TRPC5: variants seen among roughly 807,000 people sequenced by gnomAD.
TRPC5 encodes transient receptor potential cation channel subfamily C member 5.
Under a neutral mutation model 56.5 loss-of-function variants are expected in TRPC5, and 9 were observed. The observed-to-expected ratio is 0.16, with a 90% confidence interval of 0.10 to 0.28. The LOEUF is 0.28. Among genes scored for constraint, TRPC5 ranks in the 10% least tolerant of loss-of-function variants. The probability of loss-of-function intolerance (pLI) is 1.00; values close to 1 mark genes in which losing one functional copy is unlikely to be tolerated. For missense variants in TRPC5, 469 were observed against 748.9 expected, an observed-to-expected ratio of 0.63 and a Z score of 4.36; for synonymous variants, 282 against 278.5, an observed-to-expected ratio of 1.01 and a Z score of -0.13.
At chrX:111,782,553 ATATAT>A (rs1423257927) in intron 7 of TRPC5, among the ~76,000 whole-genome samples, 5 of 111,365 alleles carry the variant, frequency 4.5e-5, no homozygotes, top group Admixed American at 9.6e-5. Flanking sequence ...AGAGCACAAC[ATATAT>A]TATGTACAGT....
At chrX:111,860,953 T>C in intron 3 of TRPC5, among the ~76,000 whole-genome samples, 1 of 111,250 alleles carries the variant, frequency 9.0e-6, no homozygotes, top group Non-Finnish European at 1.9e-5. Context: ...ACCCTTGATA[T>C]TATGAAATAG....
intron 7 of TRPC5, among the ~76,000 whole-genome samples, chrX:111,788,904 GAAAT>G (rs989936151): frequency 1.8e-5 from 2 of 111,713 alleles, no homozygotes; most frequent in Non-Finnish European, 3.8e-5. Flanking sequence ...ATTGCTCAAT[GAAAT>G]AAAATAGGGT....
intron 1 of TRPC5, among the ~76,000 whole-genome samples, chrX:112,002,336 G>T (rs1928717916): frequency 9.0e-6 from 1 of 110,733 alleles, no homozygotes; most frequent in Admixed American, 9.7e-5. Flanking sequence ...TGGGGGGTGG[G>T]GCATACAGGG....
chrX:111,803,991 A>G (rs1297839408), intron 7 of TRPC5, among the ~76,000 whole-genome samples: 3 of 112,252 alleles, frequency 2.7e-5, no homozygotes, highest in Admixed American at 9.5e-5. Context: ...TAGGTATAAC[A>G]TTTAAGTCTT....
At chrX:111,970,902 C>A (rs994375286) in intron 1 of TRPC5, among the ~76,000 whole-genome samples, 1 of 108,915 alleles carries the variant, frequency 9.2e-6, no homozygotes, top group Non-Finnish European at 1.9e-5. Context: ...CCCCAGCTCC[C>A]GATTAGCTGG....
intron 7 of TRPC5, among the ~76,000 whole-genome samples, chrX:111,804,882 C>G (rs1369815228): frequency 8.9e-6 from 1 of 111,999 alleles, no homozygotes; most frequent in Non-Finnish European, 1.9e-5. Flanking sequence ...ACTTCCAACA[C>G]TATGTTGAAT....
At chrX:111,906,364 A>AC (rs1484821538) in intron 3 of TRPC5, among the ~76,000 whole-genome samples, 3 of 109,937 alleles carry the variant, frequency 2.7e-5, no homozygotes, top group Admixed American at 1.9e-4. Context: ...AAAAAAACAA[A>AC]AAACAAAAAA....
At chrX:111,836,369 G>A (rs777776880) in intron 6 of TRPC5, among the ~76,000 whole-genome samples, 2 of 111,886 alleles carry the variant, frequency 1.8e-5, no homozygotes, top group Admixed American at 9.5e-5. Context: ...AAAATGTGTC[G>A]TTCTTAATGA....
At chrX:112,074,469 G>T (rs1930788276) in intron 1 of TRPC5, among the ~76,000 whole-genome samples, 1 of 110,081 alleles carries the variant, frequency 9.1e-6, no homozygotes. Context: ...ACCATTTCCA[G>T]AATAATCATT....
chrX:111,925,214 A>G (rs1926226876), intron 2 of TRPC5, among the ~76,000 whole-genome samples: 2 of 112,678 alleles, frequency 1.8e-5, no homozygotes, highest in East Asian at 2.8e-4. Context: ...AGCATGGAGA[A>G]GTTCAGGTGA....
chrX:111,856,400 C>T (rs1229374069), intron 3 of TRPC5, among the ~76,000 whole-genome samples: 1 of 108,180 alleles, frequency 9.2e-6, no homozygotes, highest in East Asian at 2.9e-4. Flanking sequence ...AATTGTGGGG[C>T]GTGTTGGCGT....
intron 1 of TRPC5, among the ~76,000 whole-genome samples, chrX:112,061,289 C>G (rs1930453482): frequency 8.9e-6 from 1 of 112,060 alleles, no homozygotes; most frequent in South Asian, 3.7e-4. Flanking sequence ...TACTGAACAT[C>G]AGCATTCAGC....
chrX:111,879,588 A>T (rs1421176280), intron 3 of TRPC5, among the ~76,000 whole-genome samples: 1 of 112,647 alleles, frequency 8.9e-6, no homozygotes, highest in Non-Finnish European at 1.9e-5. Flanking sequence ...AGAGTGATGC[A>T]TCCAAATAAA....
At chrX:111,822,354 C>A (rs1271534539) in intron 7 of TRPC5, among the ~76,000 whole-genome samples, 1 of 111,894 alleles carries the variant, frequency 8.9e-6, no homozygotes, top group East Asian at 2.8e-4. Flanking sequence ...TAACTGAGGA[C>A]AAATCTTAAG....
intron 1 of TRPC5, among the ~76,000 whole-genome samples, chrX:112,076,695 A>C (rs1003503764): frequency 1.8e-5 from 2 of 111,552 alleles, no homozygotes; most frequent in Non-Finnish European, 1.9e-5. Context: ...ACATGCAGAA[A>C]ATGCCTCACT....
intron 3 of TRPC5, among the ~76,000 whole-genome samples, chrX:111,881,240 A>C: frequency 9.2e-6 from 1 of 108,957 alleles, no homozygotes. Flanking sequence ...GTAGTGGCAC[A>C]ATCTCTGCTC....
chrX:112,035,068 G>T (rs7060242), intron 1 of TRPC5, among the ~76,000 whole-genome samples: 20,661 of 99,625 alleles, frequency 0.21, 2,397 homozygotes, highest in African/African-American at 0.42. Flanking sequence ...CTGTTGATTT[G>T]AAGTTTTCCT....
chrX:112,051,642 A>C (rs986127517), intron 1 of TRPC5, among the ~76,000 whole-genome samples: 2 of 112,504 alleles, frequency 1.8e-5, no homozygotes, highest in African/African-American at 6.5e-5. Context: ...AGTACACATC[A>C]CATAAAATTT....
Position 111,775,535 on chromosome X carries a change from T to C in TRPC5, c.*778A>G, listed in dbSNP as rs188804532. Reference sequence around the variant, plus strand: ...AATAGCACAAATTCTAAATACTAATTTTGATACTATCAAATTTTCAAATGT... The same window carrying C: ...AATAGCACAAATTCTAAATACTAATCTTGATACTATCAAATTTTCAAATGT... On this transcript the variant is annotated 3_prime_UTR_variant, in exon 11 of 11. Coordinates refer to ENST00000262839, the MANE Select transcript of TRPC5 (RefSeq NM_012471.3). 1.3e-4 allele frequency: 15 copies of C among 111,974 alleles called. No homozygotes were observed. Among genetic ancestry groups the C allele is most frequent in the South Asian group, 1.1e-3 (3 of 2,680 alleles). 9.2% of individuals were successfully genotyped at this position (111,974 alleles called of 1,213,427 possible). A position where few individuals can be genotyped will look rare whatever the true frequency, so the allele number is the denominator to read the frequency against.
Sources: gnomAD v4.1 joint callset for allele counts (sites outside exome capture counted in the v4.1 genomes callset) on GRCh38, gnomAD v4.1.1 for gene constraint, MANE v1.5 for transcripts, NCBI Gene and HGNC (gene_info 2026-07-23, HGNC 2026-07-21) for gene names.